The following FAM219A variants were observed in gnomAD, a reference collection of about 807,000 sequenced individuals.
FAM219A encodes the protein family with sequence similarity 219 member A, also known as protein FAM219A.
Under a neutral mutation model 23.4 loss-of-function variants are expected in FAM219A, and 7 were observed. That is an observed-to-expected ratio of 0.30 (90% CI 0.17 to 0.56). The LOEUF (loss-of-function observed/expected upper bound fraction) is 0.56. FAM219A is among the 20% of genes least tolerant of loss of function. The pLI is 0.92. For missense variants in FAM219A, 166 were observed against 246.9 expected (o/e 0.67, Z 2.20); for synonymous variants, 93 against 99.0 (o/e 0.94, Z 0.36).
chr9:34,410,196 A>T (rs1234009607), intron 1 of FAM219A, among the ~76,000 whole-genome samples: 3 of 152,186 alleles, frequency 2.0e-5, no homozygotes, highest in African/African-American at 7.2e-5. Flanking sequence ...TCTGCATATT[A>T]ACCTCTTCCC....
At chr9:34,444,877 T>C (rs1244286020) in intron 1 of FAM219A, among the ~76,000 whole-genome samples, 1 of 152,240 alleles carries the variant, frequency 6.6e-6, no homozygotes, top group African/African-American at 2.4e-5. Flanking sequence ...TAGTTGGTAA[T>C]TGTGTTTGTG....
intron 2 of FAM219A, among the ~76,000 whole-genome samples, 191 bp downstream of exon 2, chr9:34,405,674 G>C (rs1821606699): frequency 6.6e-6 from 1 of 152,164 alleles, no homozygotes; most frequent in Non-Finnish European, 1.5e-5. Flanking sequence ...AGAGTTTCAG[G>C]CTCCTGCAGA....
intron 1 of FAM219A, among the ~76,000 whole-genome samples, chr9:34,415,132 T>G (rs1821954035): frequency 6.6e-6 from 1 of 152,050 alleles, no homozygotes; most frequent in Non-Finnish European, 1.5e-5. Flanking sequence ...TTTTTTTTTT[T>G]TTTTAGAGAG....
chr9:34,405,850 C>G lies in FAM219A; in HGVS notation c.160+15G>C. The G allele has an allele frequency of 1.2e-6, 2 of 1,613,416 alleles. No individual in the cohort carries two copies. Among genetic ancestry groups the G allele is most frequent in the Non-Finnish European group, 1.7e-6 (2 of 1,179,540 alleles). ...CCTACTCCCCACATCTCCCTCACCC[C>G]CCAGACACACTCACCCAGCTTCACT... On this transcript the variant is annotated intron_variant, in intron 2 of 5. Coordinates refer to ENST00000651358, the MANE Select transcript of FAM219A (RefSeq NM_001184940.2).
At chr9:34,442,503 G>A (rs1368070857) in intron 1 of FAM219A, among the ~76,000 whole-genome samples, 6 of 152,104 alleles carry the variant, frequency 3.9e-5, no homozygotes, top group Admixed American at 3.9e-4. Flanking sequence ...TGGAAAACAT[G>A]GCAAAACTCT....
chr9:34,425,831 C>G (rs1267933858), intron 1 of FAM219A, among the ~76,000 whole-genome samples: 2 of 152,156 alleles, frequency 1.3e-5, no homozygotes, highest in African/African-American at 2.4e-5. Flanking sequence ...GAAAGAACAG[C>G]CTGTGCTTGG....
chr9:34,436,188 T>C (rs868434471), intron 1 of FAM219A, among the ~76,000 whole-genome samples: 1 of 151,768 alleles, frequency 6.6e-6, no homozygotes, highest in East Asian at 1.9e-4. Context: ...ATAACTATTA[T>C]AATGTTATTA....
intron 1 of FAM219A, among the ~76,000 whole-genome samples, chr9:34,408,172 C>T (rs911009044): frequency 4.6e-5 from 7 of 152,234 alleles, no homozygotes; most frequent in African/African-American, 9.6e-5. Context: ...GGCTGGGTGC[C>T]GCAGTGCCTG....
At chr9:34,425,309 G>C (rs1325979607) in intron 1 of FAM219A, among the ~76,000 whole-genome samples, 1 of 151,814 alleles carries the variant, frequency 6.6e-6, no homozygotes, top group African/African-American at 2.4e-5. Context: ...GTGCAACCCC[G>C]TCTCTACCAA....
At chr9:34,427,302 G>A (rs1451316127) in intron 1 of FAM219A, among the ~76,000 whole-genome samples, 1 of 152,068 alleles carries the variant, frequency 6.6e-6, no homozygotes, top group Non-Finnish European at 1.5e-5. Context: ...CTCCCAAGTA[G>A]CTGGGACTAC....
chr9:34,424,573 C>T (rs926489518), intron 1 of FAM219A, among the ~76,000 whole-genome samples: 1 of 152,136 alleles, frequency 6.6e-6, no homozygotes, highest in Non-Finnish European at 1.5e-5. Context: ...TAGTTTTGGC[C>T]TATCGTCCCC....
At chr9:34,413,586 G>A (rs779489166) in intron 1 of FAM219A, among the ~76,000 whole-genome samples, 5 of 152,190 alleles carry the variant, frequency 3.3e-5, no homozygotes, top group Non-Finnish European at 7.3e-5. Context: ...GATTTAGAGT[G>A]ACGTATGAAG....
chr9:34,402,653 C>G, intron 3 of FAM219A, 52 bp downstream of exon 3: 1 of 1,595,752 alleles, frequency 6.3e-7, no homozygotes, highest in South Asian at 1.1e-5. Context: ...TCAGGACCAG[C>G]AGAAATAGGT....
At chr9:34,443,350 C>T (rs966631568) in intron 1 of FAM219A, among the ~76,000 whole-genome samples, 13 of 152,182 alleles carry the variant, frequency 8.5e-5, no homozygotes, top group African/African-American at 3.1e-4. Context: ...AGCCCAGCCC[C>T]ACTCAATGGG....
Position 34,402,483 on chromosome 9 carries a change from C to A in FAM219A, c.264-16G>T. 6.2e-7 allele frequency: 1 copy of A among 1,614,012 alleles called. No homozygotes were observed. On this transcript the variant is annotated splice_polypyrimidine_tract_variant and intron_variant, in intron 3 of 5. Coordinates refer to ENST00000651358, the MANE Select transcript of FAM219A (RefSeq NM_001184940.2). ...GACGACCAGCCTAGGTGAAGAATTT[C>A]GGGAGTTAGAGTGGCAAAGTGGAGC...
rs140473593 is a variant in FAM219A, at chr9:34,441,098, C to T, written c.60+17106G>A. Among the ~76,000 whole-genome samples the T allele has an allele frequency of 5.9e-5, 9 of 152,252 alleles. No individual in the cohort carries two copies. In the East Asian group the frequency reaches 1.7e-3, roughly 29 times the overall value. On this transcript the variant is annotated intron_variant, in intron 1 of 5. Coordinates refer to ENST00000651358, the MANE Select transcript of FAM219A (RefSeq NM_001184940.2). The stretch of plus-strand genomic sequence containing the variant: ...ACCTAAGAGTTCTAGAATTGCCTGC[C>T]CCATCCCTTCCCCCAACCTCTCCCG...
intron 1 of FAM219A, among the ~76,000 whole-genome samples, chr9:34,444,607 GA>G: frequency 6.6e-6 from 1 of 152,144 alleles, no homozygotes; most frequent in Non-Finnish European, 1.5e-5. Context: ...CCTTACTTCT[GA>G]AAATGTACCT....
intron 1 of FAM219A, among the ~76,000 whole-genome samples, chr9:34,434,201 CAAAAAAAAAAAAAAA>C (rs56144317): frequency 8.9e-5 from 4 of 44,954 alleles, no homozygotes; most frequent in Non-Finnish European, 1.7e-4. Context: ...GACTCCGTCT[CAAAAAAAAAAAAAAA>C]AAAAAAAAAA....
intron 1 of FAM219A, among the ~76,000 whole-genome samples, chr9:34,422,891 C>G (rs543849017): frequency 1.3e-5 from 2 of 152,068 alleles, no homozygotes; most frequent in Admixed American, 6.5e-5. Flanking sequence ...ATGGGCTGGG[C>G]GCGGTGGCTC....
Sources: allele counts gnomAD v4.1 joint callset (sites outside exome capture counted in the v4.1 genomes callset), GRCh38; gene constraint gnomAD v4.1.1; transcripts MANE v1.5; gene names NCBI Gene and HGNC (gene_info 2026-07-23, HGNC 2026-07-21).